Variants in KCND3 observed in about 807,000 individuals in gnomAD.
KCND3 encodes potassium voltage-gated channel subfamily D member 3.
A neutral mutation model predicts 51.1 loss-of-function variants in KCND3; 9 were observed. That is an observed-to-expected ratio of 0.18 (90% CI 0.11 to 0.31). KCND3 has a LOEUF of 0.31. KCND3 is among the 10% of genes least tolerant of loss of function. The probability of loss-of-function intolerance (pLI) is 1.00; values close to 1 mark genes in which losing one functional copy is unlikely to be tolerated. For synonymous variants in KCND3, 349 were observed against 368.0 expected (o/e 0.95, Z 0.59); for missense variants, 526 against 903.8 (o/e 0.58, Z 5.36).
At chr1:111,898,297 C>T (rs532837280) in intron 2 of KCND3, among the ~76,000 whole-genome samples, 1 of 152,312 alleles carries the variant, frequency 6.6e-6, no homozygotes, top group East Asian at 1.9e-4. Context: ...AAATGCCCAT[C>T]ACCTGCTTTG....
At chr1:111,806,801 T>C (rs2101562465) in intron 2 of KCND3, among the ~76,000 whole-genome samples, 1 of 152,190 alleles carries the variant, frequency 6.6e-6, no homozygotes, top group East Asian at 1.9e-4. Flanking sequence ...CCAGAAGCAA[T>C]AGTGACAACA....
intron 2 of KCND3, among the ~76,000 whole-genome samples, chr1:111,933,985 T>C (rs1307910357): frequency 6.6e-6 from 1 of 152,052 alleles, no homozygotes; most frequent in South Asian, 2.1e-4. Flanking sequence ...AGAAGCAAAT[T>C]GAAGGAGAAA....
At chr1:111,984,817 C>A (rs1341915722) in intron 1 of KCND3, among the ~76,000 whole-genome samples, 3 of 152,108 alleles carry the variant, frequency 2.0e-5, no homozygotes, top group Non-Finnish European at 4.4e-5. Flanking sequence ...TATCCTTCCC[C>A]TGGACCCCTC....
chr1:111,977,328 A>G (rs1674687567), intron 2 of KCND3, among the ~76,000 whole-genome samples: 2 of 152,138 alleles, frequency 1.3e-5, no homozygotes, highest in South Asian at 4.1e-4. Context: ...GCCTGTATTG[A>G]TCTCCCAGGC....
chr1:111,800,778 C>T (rs1665273305), intron 2 of KCND3, among the ~76,000 whole-genome samples: 2 of 152,236 alleles, frequency 1.3e-5, no homozygotes, highest in South Asian at 4.1e-4. Context: ...GGAGAGAGCA[C>T]ACGCCCTGAC....
chr1:111,988,347 T>C (rs906297059), intron 1 of KCND3, among the ~76,000 whole-genome samples: 4 of 152,140 alleles, frequency 2.6e-5, no homozygotes, highest in Admixed American at 2.6e-4. Flanking sequence ...ACTCCTAGGC[T>C]AGCCAGGGCA....
intron 2 of KCND3, among the ~76,000 whole-genome samples, chr1:111,946,730 G>T (rs1672795062): frequency 6.6e-6 from 1 of 152,194 alleles, no homozygotes. Context: ...CTTCAGGTTT[G>T]CAGGGGGTTT....
intron 2 of KCND3, among the ~76,000 whole-genome samples, chr1:111,890,504 T>A (rs1026975155): frequency 7.9e-5 from 12 of 152,134 alleles, no homozygotes; most frequent in Non-Finnish European, 1.5e-4. Flanking sequence ...GAGTTTGAGA[T>A]GTTTATTAGA....
At chr1:111,868,678 A>G (rs1668694469) in intron 2 of KCND3, among the ~76,000 whole-genome samples, 1 of 152,192 alleles carries the variant, frequency 6.6e-6, no homozygotes, top group South Asian at 2.1e-4. Context: ...AAACTCCATA[A>G]TAACACTTTG....
intron 2 of KCND3, among the ~76,000 whole-genome samples, chr1:111,878,767 C>T (rs938841838): frequency 6.6e-6 from 1 of 152,156 alleles, no homozygotes; most frequent in African/African-American, 2.4e-5. Context: ...CAGGCAAGGG[C>T]ACTGTGATGA....
intron 2 of KCND3, among the ~76,000 whole-genome samples, chr1:111,980,203 AGT>A (rs58988523): frequency 0.04 from 5,709 of 142,756 alleles, 161 homozygotes; most frequent in African/African-American, 0.087. Context: ...CCATTTGAAG[AGT>A]GTGTGTGTGT....
At chr1:111,939,395 A>G (rs1672379888) in intron 2 of KCND3, among the ~76,000 whole-genome samples, 1 of 151,886 alleles carries the variant, frequency 6.6e-6, no homozygotes, top group South Asian at 2.1e-4. Context: ...CCACCCCCCA[A>G]CAGGCCCGGG....
At chr1:111,879,784 G>T (rs976842314) in intron 2 of KCND3, among the ~76,000 whole-genome samples, 2 of 152,136 alleles carry the variant, frequency 1.3e-5, no homozygotes, top group African/African-American at 4.8e-5. Context: ...TCAAATCCTT[G>T]AATTCCAAGG....
intron 3 of KCND3, among the ~76,000 whole-genome samples, chr1:111,784,144 C>CACACACACACACACACACA (rs59742862): frequency 1.3e-5 from 2 of 149,260 alleles, no homozygotes; most frequent in East Asian, 1.9e-4. Flanking sequence ...CACACACACA[C>CACACACACACACACACACA]CAGTCCAAGT....
chr1:111,944,616 G>A (rs1212975274), intron 2 of KCND3, among the ~76,000 whole-genome samples: 2 of 152,254 alleles, frequency 1.3e-5, no homozygotes, highest in Non-Finnish European at 2.9e-5. Context: ...GGGGGCATGT[G>A]CATGCTGCCC....
intron 2 of KCND3, among the ~76,000 whole-genome samples, chr1:111,930,060 G>A (rs1378630825): frequency 6.6e-6 from 1 of 152,178 alleles, no homozygotes; most frequent in Non-Finnish European, 1.5e-5. Flanking sequence ...CATATTTTGG[G>A]TTAGGAGAAG....
chr1:111,804,300 A>G (rs1665460853), intron 2 of KCND3, among the ~76,000 whole-genome samples: 1 of 152,210 alleles, frequency 6.6e-6, no homozygotes. Flanking sequence ...TTTAGGTTCT[A>G]ATCAGGCAGG....
chr1:111,965,877 G>A (rs1222046873), intron 2 of KCND3, among the ~76,000 whole-genome samples: 1 of 152,174 alleles, frequency 6.6e-6, no homozygotes, highest in Admixed American at 6.5e-5. Context: ...GCAATGGACC[G>A]GTATATGTCC....
chr1:111,827,153 A>G (rs989942988), intron 2 of KCND3, among the ~76,000 whole-genome samples: 1 of 152,220 alleles, frequency 6.6e-6, no homozygotes, highest in African/African-American at 2.4e-5. Context: ...TAAGGCACAG[A>G]GTGGTTAAGT....
Sources: gnomAD v4.1 joint callset for allele counts (sites outside exome capture counted in the v4.1 genomes callset) on GRCh38, gnomAD v4.1.1 for gene constraint, MANE v1.5 for transcripts, NCBI Gene and HGNC (gene_info 2026-07-23, HGNC 2026-07-21) for gene names.